The following IMMP2L variants were observed in gnomAD, a reference collection of about 807,000 sequenced individuals.
IMMP2L encodes the protein mitochondrial inner membrane protease subunit 2.
IMMP2L carries 18 observed loss-of-function variants against 19.3 expected under a neutral mutation model. The ratio of observed to expected loss-of-function variants is 0.93; its 90% confidence interval spans 0.64 to 1.38. IMMP2L has a LOEUF of 1.38. Ranked by LOEUF, IMMP2L falls within the 40% of genes most tolerant of loss-of-function variation. The pLI, the probability that IMMP2L is intolerant of heterozygous loss-of-function variation, is 0.00. For synonymous variants in IMMP2L, 76 were observed against 73.0 expected (o/e 1.04, Z -0.21); for missense variants, 233 against 218.2 (o/e 1.07, Z -0.43).
intron 3 of IMMP2L, among the ~76,000 whole-genome samples, chr7:111,067,813 G>C (rs1393448483): frequency 6.6e-6 from 1 of 152,042 alleles, no homozygotes; most frequent in East Asian, 1.9e-4. Context: ...CATTACCTTA[G>C]GCCAAAGAAA....
intron 5 of IMMP2L, among the ~76,000 whole-genome samples, chr7:110,785,192 G>A (rs1327988953): frequency 6.6e-6 from 1 of 151,906 alleles, no homozygotes; most frequent in Non-Finnish European, 1.5e-5. Flanking sequence ...GGTAAAATTA[G>A]ATTAAAAATA....
intron 5 of IMMP2L, among the ~76,000 whole-genome samples, chr7:110,831,596 C>A (rs1434757042): frequency 6.6e-6 from 1 of 152,124 alleles, no homozygotes; most frequent in African/African-American, 2.4e-5. Context: ...TAAATAAGAT[C>A]TCATTTGCAA....
intron 3 of IMMP2L, among the ~76,000 whole-genome samples, chr7:111,305,493 C>T (rs1020301088): frequency 6.6e-6 from 1 of 151,388 alleles, no homozygotes; most frequent in African/African-American, 2.4e-5. Flanking sequence ...AATTAGCACT[C>T]TGATTTATAT....
intron 1 of IMMP2L, among the ~76,000 whole-genome samples, chr7:111,540,269 T>C (rs1848398300): frequency 6.6e-6 from 1 of 152,042 alleles, no homozygotes; most frequent in African/African-American, 2.4e-5. Context: ...AGAAGACCAG[T>C]GGGGTGAATT....
chr7:111,097,505 A>G (rs528808275), intron 3 of IMMP2L, among the ~76,000 whole-genome samples: 49 of 152,032 alleles, frequency 3.2e-4, no homozygotes, highest in African/African-American at 1.2e-3. Context: ...TTTGTTCTAT[A>G]ATTTATAGTC....
chr7:111,288,338 A>G lies in IMMP2L; in HGVS notation c.239+198900T>C, dbSNP rs151256648. Among the ~76,000 whole-genome samples, 1,352 of 152,300 alleles carry G rather than the reference A, an allele frequency of 8.9e-3. 26 individuals carry two copies. Among genetic ancestry groups the G allele is most frequent in the African/African-American group, 0.031 (1,298 of 41,564 alleles). ...AGACCTAAAACCATAAAAACCCTAG[A>G]AGAAAATCTAGGCAATGCCATTCAG... On this transcript the variant is annotated intron_variant, in intron 3 of 5. Coordinates refer to ENST00000405709, the MANE Select transcript of IMMP2L (RefSeq NM_032549.4).
At chr7:111,006,610 TGTCCCAAATTCCATA>T (rs1824316189) in intron 3 of IMMP2L, among the ~76,000 whole-genome samples, 1 of 152,178 alleles carries the variant, frequency 6.6e-6, no homozygotes, top group African/African-American at 2.4e-5. Flanking sequence ...TTTTATCTAA[TGTCCCAAATTCCATA>T]GTCCTTGCTA....
chr7:111,068,023 A>G (rs1218757573), intron 3 of IMMP2L, among the ~76,000 whole-genome samples: 1 of 152,202 alleles, frequency 6.6e-6, no homozygotes, highest in Non-Finnish European at 1.5e-5. Flanking sequence ...AGGATATTTG[A>G]AGTGTGAAGC....
intron 3 of IMMP2L, among the ~76,000 whole-genome samples, chr7:111,176,198 A>C (rs1408378511): frequency 1.3e-5 from 2 of 152,004 alleles, no homozygotes; most frequent in East Asian, 3.9e-4. Context: ...CACTATGTAG[A>C]ACAGTTTGAA....
intron 4 of IMMP2L, among the ~76,000 whole-genome samples, chr7:110,929,927 G>A (rs1436201275): frequency 1.3e-5 from 2 of 151,986 alleles, no homozygotes; most frequent in Non-Finnish European, 2.9e-5. Flanking sequence ...CACAAAAGGA[G>A]GTGGTAGATG....
chr7:110,836,093 T>G (rs368141661), intron 5 of IMMP2L, among the ~76,000 whole-genome samples: 10 of 151,552 alleles, frequency 6.6e-5, no homozygotes, highest in African/African-American at 1.7e-4. Context: ...AAATTGGGAG[T>G]GGAGGGGAGC....
chr7:111,173,647 A>G (rs1806702480), intron 3 of IMMP2L, among the ~76,000 whole-genome samples: 1 of 151,656 alleles, frequency 6.6e-6, no homozygotes, highest in Admixed American at 6.6e-5. Flanking sequence ...ACAACAGTGA[A>G]TGCATTTCTG....
chr7:110,874,154 A>G (rs775673938), intron 5 of IMMP2L, among the ~76,000 whole-genome samples: 7 of 152,172 alleles, frequency 4.6e-5, no homozygotes, highest in Non-Finnish European at 7.4e-5. Context: ...AGCACATTAA[A>G]GCAGACATAT....
chr7:111,268,467 T>A (rs1321507258), intron 3 of IMMP2L, among the ~76,000 whole-genome samples: 1 of 147,616 alleles, frequency 6.8e-6, no homozygotes, highest in African/African-American at 2.5e-5. Context: ...TCAAAAATTT[T>A]GTTTTTGTCG....
intron 3 of IMMP2L, among the ~76,000 whole-genome samples, chr7:111,170,369 C>T (rs1222608132): frequency 2.0e-5 from 3 of 151,796 alleles, no homozygotes; most frequent in Non-Finnish European, 2.9e-5. Context: ...TTAATTTCTT[C>T]TGCAGTGACC....
chr7:111,393,867 G>A (rs886315687), intron 3 of IMMP2L, among the ~76,000 whole-genome samples: 1 of 152,126 alleles, frequency 6.6e-6, no homozygotes, highest in African/African-American at 2.4e-5. Context: ...TTTTATGTAC[G>A]TGTGTTTTTT....
At chr7:111,300,809 TA>T (rs1822140045) in intron 3 of IMMP2L, among the ~76,000 whole-genome samples, 1 of 152,128 alleles carries the variant, frequency 6.6e-6, no homozygotes, top group Non-Finnish European at 1.5e-5. Context: ...GGATTCTAGG[TA>T]TATATGTGTA....
At chr7:111,036,162 A>C (rs988033515) in intron 3 of IMMP2L, among the ~76,000 whole-genome samples, 1 of 152,212 alleles carries the variant, frequency 6.6e-6, no homozygotes, top group Non-Finnish European at 1.5e-5. Flanking sequence ...CTAACATAAG[A>C]AACACAAATC....
chr7:111,291,264 A>C (rs539020423), intron 3 of IMMP2L, among the ~76,000 whole-genome samples: 1 of 152,206 alleles, frequency 6.6e-6, no homozygotes, highest in Non-Finnish European at 1.5e-5. Context: ...CCTTTGCAGA[A>C]GACCAGTGGT....
Sources: gnomAD v4.1 joint callset for allele counts (sites outside exome capture counted in the v4.1 genomes callset) on GRCh38, gnomAD v4.1.1 for gene constraint, MANE v1.5 for transcripts, NCBI Gene and HGNC (gene_info 2026-07-23, HGNC 2026-07-21) for gene names.